Variants in YTHDC2 observed in about 807,000 individuals in gnomAD.
YTHDC2 encodes the protein YTH N6-methyladenosine RNA binding protein C2, also known as 3'-5' RNA helicase YTHDC2.
In YTHDC2, 45 loss-of-function variants were observed where a neutral mutation model predicts 174.9. The ratio of observed to expected loss-of-function variants is 0.26; its 90% CI spans 0.20 to 0.33. YTHDC2 has a LOEUF of 0.33. Among genes scored for constraint, YTHDC2 ranks in the 10% least tolerant of loss-of-function variants. The pLI, the probability that YTHDC2 is intolerant of heterozygous loss-of-function variation, is 1.00. For missense variants in YTHDC2, 1,650 were observed against 1,723.7 expected (o/e 0.96, Z 0.76); for synonymous variants, 657 against 574.5 (o/e 1.14, Z -2.05).
intron 4 of YTHDC2, among the ~76,000 whole-genome samples, chr5:113,532,596 T>C (rs1197214685): frequency 1.3e-5 from 2 of 152,204 alleles, no homozygotes; most frequent in Non-Finnish European, 2.9e-5. Flanking sequence ...TATTCAGGTC[T>C]TCTTTTATGT....
In YTHDC2 at chr5:113,553,628, G is replaced by C; in HGVS notation, c.1906G>C (p.Val636Leu). The C allele has an allele frequency of 2.5e-6, 4 of 1,613,488 alleles. No homozygotes were observed. The highest frequency in any genetic ancestry group is 3.4e-6 in the Non-Finnish European group (4 of 1,179,554). Reference protein sequence around the residue: ...LIFLPGYDEIVGLRDRILFDD... With the variant: ...LIFLPGYDEILGLRDRILFDD... ...TTTTCTGCCTGGATATGACGAAATT[G>C]TTGGACTGAGAGATCGCATCCTGTT... is the stretch of plus-strand genomic sequence containing the variant. Residue 636 changes from valine to leucine, a missense_variant, in exon 14 of 30, where the codon GTT becomes CTT. Around this residue, in one of 5 missense-constraint regions of YTHDC2, gnomAD observed 17 missense variants for 37.3 expected, o/e 0.46. Transcript: ENST00000161863.
At chr5:113,517,206 T>G (rs916968544) in intron 2 of YTHDC2, among the ~76,000 whole-genome samples, 2 of 152,196 alleles carry the variant, frequency 1.3e-5, no homozygotes, top group South Asian at 2.1e-4. Flanking sequence ...ATTAATAACC[T>G]CATGTCAGTT....
chr5:113,519,387 A>C (rs1179583796), intron 2 of YTHDC2, among the ~76,000 whole-genome samples: 1 of 152,150 alleles, frequency 6.6e-6, no homozygotes, highest in Non-Finnish European at 1.5e-5. Flanking sequence ...TTTAGTCCTA[A>C]AGGCTCACTT....
chr5:113,568,521 C>G (rs1409841754), intron 23 of YTHDC2, among the ~76,000 whole-genome samples: 1 of 152,100 alleles, frequency 6.6e-6, no homozygotes, highest in Non-Finnish European at 1.5e-5. Flanking sequence ...TTCTCCCTAC[C>G]CTCTACCACA....
At chr5:113,589,408 A>AATATATATATATATATATATATATATAT (rs34243829) in intron 26 of YTHDC2, among the ~76,000 whole-genome samples, 4 of 123,236 alleles carry the variant, frequency 3.2e-5, no homozygotes, top group African/African-American at 1.4e-4. Flanking sequence ...AAAAAAAAAA[A>AATATATATATATATATATATATATATAT]ATATATATAT....
At chr5:113,546,312 T>C (rs989206322) in intron 10 of YTHDC2, among the ~76,000 whole-genome samples, 11 of 152,372 alleles carry the variant, frequency 7.2e-5, no homozygotes, top group African/African-American at 2.6e-4. Flanking sequence ...ATGGTCATCC[T>C]GTGTAGACTC....
At chr5:113,545,290 A>T (rs987301823) in intron 10 of YTHDC2, among the ~76,000 whole-genome samples, 11 of 151,648 alleles carry the variant, frequency 7.3e-5, no homozygotes, top group Non-Finnish European at 1.3e-4. Context: ...GGGTTTTTTG[A>T]CTTTTTTTTT....
intron 16 of YTHDC2, among the ~76,000 whole-genome samples, chr5:113,554,755 G>C (rs1176593838): frequency 6.9e-6 from 1 of 145,406 alleles, no homozygotes; most frequent in East Asian, 2.0e-4. Context: ...AAAAAAAAAA[G>C]CCATTTATTT....
At chr5:113,592,268 A>G in intron 28 of YTHDC2, 90 bp downstream of exon 28, 1 of 1,304,022 alleles carries the variant, frequency 7.7e-7, no homozygotes. Context: ...ATGTAAGAGT[A>G]CAAATTTTAT....
intron 2 of YTHDC2, among the ~76,000 whole-genome samples, chr5:113,516,696 G>T (rs1251524350): frequency 6.7e-6 from 1 of 149,874 alleles, no homozygotes; most frequent in African/African-American, 2.5e-5. Flanking sequence ...GACATAGAGG[G>T]AAGAAAAGGA....
intron 18 of YTHDC2, among the ~76,000 whole-genome samples, chr5:113,561,988 G>A (rs1181873585): frequency 7.5e-6 from 1 of 133,922 alleles, no homozygotes; most frequent in South Asian, 2.4e-4. Flanking sequence ...GTGTGTGTGT[G>A]TGTGTGTGTG....
At position 113,549,135 on chromosome 5, in the gene YTHDC2, T is replaced by A. The variant is rs978883377; in HGVS notation, c.1688+115T>A. 3.7e-5 allele frequency: 32 copies of A among 856,832 alleles called. No individual in the cohort carries two copies. In the African/African-American group the frequency reaches 4.9e-4, roughly 13 times the overall value. 53.1% of individuals were successfully genotyped at this position (856,832 alleles called of 1,614,324 possible). On this transcript the variant is annotated intron_variant, in intron 12 of 29. Coordinates refer to ENST00000161863, the MANE Select transcript of YTHDC2 (RefSeq NM_022828.5). ...TTTATAGTCTTTTATCCAGAGATTT[T>A]TTTTTGTGATTCTAAGGAAATTTTC...
At position 113,561,127 on chromosome 5, in the gene YTHDC2, T is replaced by C; in HGVS notation, c.2264T>C (p.Leu755Pro). The change falls in exon 18 of 30, where the codon CTC (leucine) becomes CCC (proline). Residue 755 changes from leucine to proline, a missense_variant. Physicochemically the swap from Leu to Pro is moderately conservative, Grantham distance 98 (BLOSUM62 -3). Coordinates refer to ENST00000161863, the MANE Select transcript of YTHDC2 (RefSeq NM_022828.5). ...ATTTGTTTTCGTCTGTTCAGTAGAC[T>C]CCGATTCCAGAATATGTTGGAATTT... ...PGICFRLFSR[L>P]RFQNMLEFQT... 4.3e-6 allele frequency: 7 copies of C among 1,613,298 alleles called. No homozygotes were observed. Among genetic ancestry groups the C allele is most frequent in the Non-Finnish European group, 5.9e-6 (7 of 1,179,518 alleles).
rs1211195570 is a variant in YTHDC2 at position 113,587,471 on chromosome 5, A to C, written c.3825+2992A>C. 1.6e-5 allele frequency among the ~76,000 whole-genome samples: 2 copies of C among 124,474 alleles called. 1 individual carries two copies. Among genetic ancestry groups the C allele is most frequent in the Non-Finnish European group, 3.2e-5 (2 of 62,950 alleles). The allele number at this position is 124,474 out of a possible 152,430, so 81.7% of individuals were successfully genotyped here. A position where few individuals can be genotyped will look rare whatever the true frequency, so the allele number is the denominator to read the frequency against. The stretch of plus-strand genomic sequence containing the variant: ...ATTATGTATTCATATATAATATATA[A>C]ATATATATTATGTATTCATATAATA... On this transcript the variant is annotated intron_variant, in intron 26 of 29. Coordinates refer to ENST00000161863, the MANE Select transcript of YTHDC2 (RefSeq NM_022828.5).
rs1332905459 is a variant in YTHDC2 at position 113,553,103 on chromosome 5, A to G, written c.1689-78A>G. 6 of 1,309,546 alleles carry G rather than the reference A, an allele frequency of 4.6e-6. No homozygotes were observed. The African/African-American group carries it at 9.3e-5, about 20-fold the overall frequency. 81.1% of individuals were successfully genotyped at this position (1,309,546 alleles called of 1,614,324 possible). The stretch of plus-strand genomic sequence containing the variant: ...ACTTACCTTACCTTCCTTAGGGAAT[A>G]TTGGAAATTTGAAGGACATAAGGAT... On this transcript the variant is annotated intron_variant, in intron 12 of 29. Transcript: ENST00000161863.
intron 17 of YTHDC2, 60 bp from the exon 18 acceptor site, chr5:113,561,020 T>G (rs923495257): frequency 7.2e-6 from 10 of 1,380,720 alleles, no homozygotes; most frequent in Non-Finnish European, 9.9e-6. Flanking sequence ...ACATTGCGTT[T>G]ACAGTTTATT....
rs553700933 is a variant in YTHDC2, at chr5:113,589,273, TCTA to T, written c.3826-1765_3826-1763del. ...TTTTTCTGTCTTCATTTCAGATAGT[TCTA>T]CTGTTTTGTCTGTACGTTCACTGAT... On this transcript the variant is annotated intron_variant, in intron 26 of 29. Transcript: ENST00000161863. 5.9e-5 allele frequency among the ~76,000 whole-genome samples: 9 copies of T among 151,750 alleles called. No homozygotes were observed. In the South Asian group the frequency reaches 1.9e-3, roughly 32 times the overall value.
At chr5:113,546,035 C>G (rs539327737) in intron 10 of YTHDC2, among the ~76,000 whole-genome samples, 29,515 of 101,210 alleles carry the variant, frequency 0.29, 5,848 homozygotes, top group African/African-American at 0.56. Context: ...CCACCGCGCC[C>G]GGCCTGATCT....
intron 8 of YTHDC2, among the ~76,000 whole-genome samples, chr5:113,540,210 TATA>T (rs1775357140): frequency 6.6e-6 from 1 of 152,220 alleles, no homozygotes; most frequent in South Asian, 2.1e-4. Context: ...GAAAATTATA[TATA>T]ATTGTATCTC....
Sources: allele counts gnomAD v4.1 joint callset (sites outside exome capture counted in the v4.1 genomes callset), GRCh38; gene constraint gnomAD v4.1.1; regional missense constraint gnomAD v4.1.1; transcripts MANE v1.5; gene names NCBI Gene and HGNC (gene_info 2026-07-23, HGNC 2026-07-21).